The following LAMA5 variants were observed in gnomAD, a reference collection of about 807,000 sequenced individuals.
LAMA5 encodes the protein laminin subunit alpha-5.
Under a neutral mutation model 433.4 loss-of-function variants are expected in LAMA5, and 260 were observed. That is an observed-to-expected ratio of 0.60 (90% confidence interval 0.54 to 0.66). LAMA5 has a LOEUF of 0.66. Ranked by LOEUF, LAMA5 falls within the 30% of genes least tolerant of loss-of-function variation. LAMA5 has a pLI of 0.00. For synonymous variants in LAMA5, 2,620 were observed against 2,226.6 expected (o/e 1.18, Z -4.97); for missense variants, 5,378 against 5,258.5 (o/e 1.02, Z -0.70).
rs560447281 is a variant in LAMA5 at position 62,311,103 on chromosome 20, G to A, written c.10089-9C>T. 123 of 1,568,598 alleles carry A rather than the reference G, an allele frequency of 7.8e-5. No individual in the cohort carries two copies. Among genetic ancestry groups the A allele is most frequent in the African/African-American group, 6.8e-5 (5 of 73,772 alleles). ...GCATGGAGAGACTGGGCCTGGAAGC[G>A]GAGCTGGCGTCAGCCTGCGCGGCCC... On this transcript the variant is annotated splice_polypyrimidine_tract_variant and intron_variant, in intron 73 of 79. Coordinates refer to ENST00000252999, the MANE Select transcript of LAMA5 (RefSeq NM_005560.6).
At chr20:62,332,041 G>C (rs1980555389) in intron 28 of LAMA5, among the ~76,000 whole-genome samples, 1 of 149,042 alleles carries the variant, frequency 6.7e-6, no homozygotes, top group Non-Finnish European at 1.5e-5. Context: ...GACAGAGTGA[G>C]ACTCCATTTC....
At chr20:62,341,759 A>C (rs984627583) in intron 11 of LAMA5, among the ~76,000 whole-genome samples, 4 of 151,830 alleles carry the variant, frequency 2.6e-5, no homozygotes, top group African/African-American at 9.7e-5. Flanking sequence ...AGGTCTTATC[A>C]AGAGAACTGC....
In LAMA5 at chr20:62,314,679, C is replaced by G. The variant is rs749238842; in HGVS notation, c.8243G>C (p.Arg2748Pro). The change falls in exon 61 of 80, where the codon CGC becomes CCC. Residue 2748 changes from arginine to proline, a missense_variant. Coordinates refer to ENST00000252999, the MANE Select transcript of LAMA5 (RefSeq NM_005560.6). Reference sequence around the variant, plus strand: ...AAGGTCGGCAAGATCCCGTGGGGTGCGCAGCTGCACCCCTGAGCGCCCGTT... The same window carrying G: ...AAGGTCGGCAAGATCCCGTGGGGTGGGCAGCTGCACCCCTGAGCGCCCGTT... The part of the protein sequence containing the change: ...KFNGRSGVQL[R>P]TPRDLADLAA... 1.9e-6 allele frequency: 3 copies of G among 1,612,558 alleles called. No individual in the cohort carries two copies. Among genetic ancestry groups the G allele is most frequent in the Non-Finnish European group, 2.5e-6 (3 of 1,179,872 alleles).
intron 17 of LAMA5, 100 bp from the exon 18 acceptor site, chr20:62,336,545 G>A: frequency 3.4e-6 from 4 of 1,177,482 alleles, no homozygotes; most frequent in Non-Finnish European, 4.9e-6. Context: ...GAGGGCTGAG[G>A]GCCCTCACCT....
intron 2 of LAMA5, among the ~76,000 whole-genome samples, chr20:62,358,420 A>G (rs115472895): frequency 0.064 from 9,713 of 152,258 alleles, 354 homozygotes; most frequent in South Asian, 0.16. Flanking sequence ...GCCTGGCCGC[A>G]GCTGCACTTC....
intron 1 of LAMA5, among the ~76,000 whole-genome samples, chr20:62,365,670 G>C (rs921886413): frequency 9.2e-5 from 14 of 152,248 alleles, no homozygotes; most frequent in Middle Eastern, 3.4e-3. Context: ...GAGTTGACCA[G>C]ATAAGGGGGC....
intron 11 of LAMA5, among the ~76,000 whole-genome samples, chr20:62,345,064 C>T (rs897231679): frequency 2.6e-5 from 4 of 152,146 alleles, no homozygotes; most frequent in South Asian, 2.1e-4. Flanking sequence ...GTTGCCCAGG[C>T]GGGGGTGCAG....
At chr20:62,349,990 A>G (rs1358164406) in intron 6 of LAMA5, among the ~76,000 whole-genome samples, 1 of 151,508 alleles carries the variant, frequency 6.6e-6, no homozygotes, top group Non-Finnish European at 1.5e-5. Context: ...CAGGGAGAAC[A>G]TGGGCAGGCT....
Position 62,311,419 on chromosome 20 carries a change from C to T in LAMA5, c.9924G>A (p.Leu3308=). Residue 3308 remains leucine, a synonymous_variant, in exon 72 of 80, where the codon CTG becomes CTA. Coordinates refer to ENST00000252999, the MANE Select transcript of LAMA5 (RefSeq NM_005560.6). ...TGCCCACCTTCCGGGCGGTGGCCTG[C>T]AGTCCTCTAGGCCCCAGGCCCGGGG... ...AQTPGLGPRG[L]QATARKASRR... The T allele has an allele frequency of 3.2e-6, 5 of 1,577,704 alleles. No homozygotes were observed. Among genetic ancestry groups the T allele is most frequent in the Non-Finnish European group, 3.4e-6 (4 of 1,160,662 alleles).
In LAMA5 at chr20:62,353,248, A is replaced by G. The variant is rs150937347; in HGVS notation, c.454T>C (p.Phe152Leu). 1,418 of 1,593,206 alleles carry G rather than the reference A, an allele frequency of 8.9e-4. No homozygotes were observed. The highest frequency in any genetic ancestry group is 1.2e-3 in the Non-Finnish European group (1,360 of 1,169,992). Residue 152 changes from phenylalanine (F) to leucine (L), a missense_variant, in exon 3 of 80, where the codon TTC becomes CTC. Physicochemically the swap from Phe to Leu is conservative, Grantham distance 22. Transcript: ENST00000252999. ...TTGATGAGGACGTAGGCCACGTGGA[A>G]GACCTGTGGGCCGAGAGGGCGTCAG... is the stretch of plus-strand genomic sequence containing the variant. ...VNVTLDLGQVFHVAYVLIKFA... is the reference protein window; with the variant it reads ...VNVTLDLGQVLHVAYVLIKFA...
chr20:62,336,477 G>A (rs1457423323), intron 17 of LAMA5, 32 bp from the exon 18 acceptor site: 2 of 1,564,624 alleles, frequency 1.3e-6, no homozygotes, highest in South Asian at 2.3e-5. Context: ...GGTCAGAGCG[G>A]GCGCCCTGCT....
rs1601425167 is a variant in LAMA5 at position 62,358,287 on chromosome 20, G to A, written c.450+4113C>T. On this transcript the variant is annotated intron_variant, in intron 2 of 79. Coordinates refer to ENST00000252999, the MANE Select transcript of LAMA5 (RefSeq NM_005560.6). ...GAGGGAGGGTTTTGCCGTCTATCCTGTGCCAGGGGAGGGGAGTGGTGCCTC... is the reference window on the plus strand; with the variant it reads ...GAGGGAGGGTTTTGCCGTCTATCCTATGCCAGGGGAGGGGAGTGGTGCCTC... Among the ~76,000 whole-genome samples the A allele has an allele frequency of 2.6e-5, 4 of 152,266 alleles. No individual in the cohort carries two copies. The South Asian group carries it at 8.3e-4, about 32-fold the overall frequency.
intron 51 of LAMA5, among the ~76,000 whole-genome samples, chr20:62,319,428 G>T (rs1157091451): frequency 6.6e-6 from 1 of 152,100 alleles, no homozygotes; most frequent in Non-Finnish European, 1.5e-5. Flanking sequence ...ATATCTGTGA[G>T]CGCGAACATC....
chr20:62,334,138 C>G (rs1170346564), intron 22 of LAMA5, 48 bp downstream of exon 22: 2 of 1,593,362 alleles, frequency 1.3e-6, no homozygotes, highest in Admixed American at 3.4e-5. Flanking sequence ...CCAGCCACGC[C>G]TGGCTCCACT....
chr20:62,349,072 A>T (rs1242404408), intron 6 of LAMA5, among the ~76,000 whole-genome samples: 2 of 152,018 alleles, frequency 1.3e-5, no homozygotes, highest in African/African-American at 2.4e-5. Flanking sequence ...GATCGAGACC[A>T]TCTTGGCTAA....
chr20:62,316,987 C>A lies in LAMA5; in HGVS notation c.7548G>T (p.Gln2516His). The change falls in exon 56 of 80, where the codon CAG (glutamine) becomes CAT (histidine). Residue 2516 changes from glutamine (Q) to histidine (H), a missense_variant. By Grantham distance (24) the Gln-to-His change is conservative. Coordinates refer to ENST00000252999, the MANE Select transcript of LAMA5 (RefSeq NM_005560.6). ...ILDVNQDRLT[Q>H]RAIEASNAYS... ...AGGCGTTGGAGGCCTCGATGGCCCT[C>A]TGGGTGAGGCGGTCCTGGTTGACGT... 6.4e-7 allele frequency: 1 copy of A among 1,553,908 alleles called. No homozygotes were observed.
At chr20:62,357,788 C>G (rs1985463078) in intron 2 of LAMA5, among the ~76,000 whole-genome samples, 1 of 152,218 alleles carries the variant, frequency 6.6e-6, no homozygotes, top group South Asian at 2.1e-4. Context: ...GACAGGAGCT[C>G]CCCAGCTGGA....
At chr20:62,366,406 G>C (rs1986730307) in intron 1 of LAMA5, among the ~76,000 whole-genome samples, 1 of 152,220 alleles carries the variant, frequency 6.6e-6, no homozygotes, top group Non-Finnish European at 1.5e-5. Flanking sequence ...CCTCCTGGGA[G>C]CCACGTGTTC....
In LAMA5 at chr20:62,362,538, G is replaced by A. The variant is rs375733211; in HGVS notation, c.312C>T (p.Asp104=). 3.8e-6 allele frequency: 6 copies of A among 1,593,050 alleles called. No individual in the cohort carries two copies. In the African/African-American group the frequency reaches 4.0e-5, roughly 11 times the overall value. Residue 104 remains aspartate, a synonymous_variant, in exon 2 of 80, where the codon GAC becomes GAT. Transcript: ENST00000252999. ...PNQTIRGQYC[D]ICTAANSNKA... The stretch of plus-strand genomic sequence containing the variant: ...TGTTGCTGTTGGCAGCCGTGCAGAT[G>A]TCACAGTACTGGCCCTGCAGAGGGA...
Sources: gnomAD v4.1 joint callset for allele counts (sites outside exome capture counted in the v4.1 genomes callset) on GRCh38, gnomAD v4.1.1 for gene constraint, MANE v1.5 for transcripts, NCBI Gene and HGNC (gene_info 2026-07-23, HGNC 2026-07-21) for gene names.